Variants in GEMIN2 observed in about 807,000 individuals in gnomAD.
GEMIN2 encodes the protein gem-associated protein 2.
In GEMIN2, 37 loss-of-function variants were observed where a neutral mutation model predicts 45.8. The observed-to-expected ratio is 0.81, with a 90% CI of 0.62 to 1.06. The LOEUF (loss-of-function observed/expected upper bound fraction) is 1.06. Among genes scored for constraint, GEMIN2 ranks in the 50% least tolerant of loss-of-function variants. GEMIN2 has a pLI of 0.00. For missense variants in GEMIN2, 335 were observed against 321.8 expected (o/e 1.04, Z -0.31); for synonymous variants, 101 against 111.5 (o/e 0.91, Z 0.60).
At chr14:39,133,942 C>T (rs1050426778) in intron 9 of GEMIN2, 1 of 307,332 alleles carries the variant, frequency 3.3e-6, no homozygotes, top group Non-Finnish European at 6.0e-6. Context: ...CACAACCAAG[C>T]ACCACCACAC....
intron 2 of GEMIN2, among the ~76,000 whole-genome samples, chr14:39,117,666 T>C (rs1231296841): frequency 6.6e-6 from 1 of 152,186 alleles, no homozygotes; most frequent in African/African-American, 2.4e-5. Context: ...ATATCTCTCT[T>C]TTTGTTTCTG....
intron 9 of GEMIN2, chr14:39,134,225 T>C (rs2052756238): frequency 6.6e-6 from 1 of 152,244 alleles, no homozygotes; most frequent in Non-Finnish European, 1.5e-5. Flanking sequence ...ACTTTTTTTG[T>C]TGTTTTGTTT....
At chr14:39,135,138 T>A (rs753257605) in intron 9 of GEMIN2, among the ~76,000 whole-genome samples, 20 of 152,300 alleles carry the variant, frequency 1.3e-4, no homozygotes, top group Middle Eastern at 3.4e-3. Flanking sequence ...ACTGCCTCAG[T>A]TGAGATTTTA....
intron 7 of GEMIN2, among the ~76,000 whole-genome samples, chr14:39,129,742 ATG>A (rs891242038): frequency 1.0e-4 from 15 of 150,576 alleles, no homozygotes; most frequent in East Asian, 3.9e-4. Context: ...ATATTTGTAT[ATG>A]TGTGTGTGTG....
intron 9 of GEMIN2, 23 bp from the exon 10 acceptor site, chr14:39,136,417 A>T (rs897141508): frequency 6.6e-5 from 84 of 1,265,650 alleles, no homozygotes; most frequent in Middle Eastern, 3.7e-4. Context: ...TTATACATAA[A>T]TTTTTTGTTT....
At chr14:39,128,485 CTTT>C (rs71130820) in intron 7 of GEMIN2, 137 bp downstream of exon 7, 2,297 of 147,092 alleles carry the variant, frequency 0.016, no homozygotes, top group South Asian at 0.03. Context: ...TTTTTCTTTT[CTTT>C]TTTTTTTTTT....
At chr14:39,120,192 G>A (rs1237514728) in intron 4 of GEMIN2, among the ~76,000 whole-genome samples, 1 of 152,158 alleles carries the variant, frequency 6.6e-6, no homozygotes, top group Non-Finnish European at 1.5e-5. Flanking sequence ...AATTTTAAGT[G>A]TTTGTCATGG....
At position 39,130,737 on chromosome 14, in the gene GEMIN2, A is replaced by C. The variant is rs544887227; in HGVS notation, c.601-1221A>C. On this transcript the variant is annotated intron_variant, in intron 7 of 9. Coordinates refer to ENST00000308317, the MANE Select transcript of GEMIN2 (RefSeq NM_003616.3). ...GGTGAAACCCCCATCTCTACTAAAA[A>C]TACAAAAATTAGCTGAGCATGGTGG... 2.6e-5 allele frequency among the ~76,000 whole-genome samples: 4 copies of C among 151,480 alleles called. No individual in the cohort carries two copies. The South Asian group carries it at 8.4e-4, about 32-fold the overall frequency.
intron 7 of GEMIN2, among the ~76,000 whole-genome samples, chr14:39,130,194 AAAAG>A (rs1284221799): frequency 6.6e-6 from 1 of 151,904 alleles, no homozygotes; most frequent in Non-Finnish European, 1.5e-5. Flanking sequence ...TTTTTATAGA[AAAAG>A]AATTCCACAA....
chr14:39,123,708 A>ATTTTTTTTT (rs1162485883), intron 5 of GEMIN2, among the ~76,000 whole-genome samples: 3 of 37,688 alleles, frequency 8.0e-5, no homozygotes, highest in African/African-American at 2.6e-4. Flanking sequence ...ATATATATAT[A>ATTTTTTTTT]TTTTTTTTTT....
intron 1 of GEMIN2, 69 bp downstream of exon 1, chr14:39,114,544 C>T: frequency 8.6e-7 from 1 of 1,156,906 alleles, no homozygotes. Context: ...CCTCGGTGCT[C>T]TATTCCCGTT....
chr14:39,120,531 A>T (rs2052561598), intron 4 of GEMIN2, among the ~76,000 whole-genome samples: 1 of 152,268 alleles, frequency 6.6e-6, no homozygotes, highest in Non-Finnish European at 1.5e-5. Flanking sequence ...GACCTAATAG[A>T]GTGTTAGGAA....
intron 6 of GEMIN2, among the ~76,000 whole-genome samples, chr14:39,125,410 C>T (rs1389899405): frequency 1.3e-5 from 2 of 152,122 alleles, no homozygotes; most frequent in African/African-American, 4.8e-5. Flanking sequence ...GAATTAAATA[C>T]AAGGTCCCTG....
At chr14:39,128,485 C>CTTTTTTTTTTTTTTTTTT (rs71130820) in intron 7 of GEMIN2, 137 bp downstream of exon 7, 12 of 148,486 alleles carry the variant, frequency 8.1e-5, no homozygotes, top group Admixed American at 3.3e-4. Context: ...TTTTTCTTTT[C>CTTTTTTTTTTTTTTTTTT]TTTTTTTTTT....
At chr14:39,130,559 T>C (rs1035569967) in intron 7 of GEMIN2, among the ~76,000 whole-genome samples, 3 of 152,114 alleles carry the variant, frequency 2.0e-5, no homozygotes, top group Non-Finnish European at 4.4e-5. Context: ...TATTAAATAC[T>C]CTAAACAAGA....
At chr14:39,124,930 GA>G (rs372361753) in intron 5 of GEMIN2, 61 bp from the exon 6 acceptor site, 8,326 of 649,764 alleles carry the variant, frequency 0.013, no homozygotes, top group South Asian at 0.021. Context: ...TCACCAGTTT[GA>G]AAAAAAAAAA....
rs779448462 is a variant in GEMIN2, at chr14:39,114,822, T to C, written c.138-7T>C. The stretch of plus-strand genomic sequence containing the variant: ...TTTAATTTATCGCGTTTATTACTTA[T>C]TTGTAGGATCGAAGCAGCTCAATGT... On this transcript the variant is annotated splice_polypyrimidine_tract_variant and splice_region_variant and intron_variant, in intron 1 of 9. Coordinates refer to ENST00000308317, the MANE Select transcript of GEMIN2 (RefSeq NM_003616.3). The C allele has an allele frequency of 5.4e-6, 8 of 1,476,516 alleles. No individual in the cohort carries two copies. The highest frequency in any genetic ancestry group is 5.7e-6 in the Non-Finnish European group (6 of 1,055,302). 91.5% of individuals were successfully genotyped at this position (1,476,516 alleles called of 1,614,324 possible). A position where few individuals can be genotyped will look rare whatever the true frequency, so the allele number is the denominator to read the frequency against.
intron 2 of GEMIN2, among the ~76,000 whole-genome samples, chr14:39,115,371 T>C (rs1476980089): frequency 6.6e-6 from 1 of 152,134 alleles, no homozygotes; most frequent in Non-Finnish European, 1.5e-5. Context: ...GTTATTGGAT[T>C]GGTGTTTAAT....
chr14:39,115,031 G>T (rs972368118), intron 2 of GEMIN2, 118 bp downstream of exon 2: 9 of 644,130 alleles, frequency 1.4e-5, no homozygotes, highest in Non-Finnish European at 2.5e-5. Flanking sequence ...TCCGTGCAAA[G>T]TTAGACATTC....
Sources: allele counts gnomAD v4.1 joint callset (sites outside exome capture counted in the v4.1 genomes callset), GRCh38; gene constraint gnomAD v4.1.1; transcripts MANE v1.5; gene names NCBI Gene and HGNC (gene_info 2026-07-23, HGNC 2026-07-21).